Variants in MTCL1 observed in about 807,000 individuals in gnomAD.
The protein encoded by MTCL1 is microtubule crosslinking factor 1.
In MTCL1, 79 loss-of-function variants were observed where a neutral mutation model predicts 141.4. The observed-to-expected ratio is 0.56, with a 90% confidence interval of 0.47 to 0.67. The LOEUF is 0.67. Among genes scored for constraint, MTCL1 ranks in the 30% least tolerant of loss-of-function variants. The probability of loss-of-function intolerance (pLI) is 0.00; values close to 1 mark genes in which losing one functional copy is unlikely to be tolerated. For missense variants in MTCL1, 2,177 were observed against 2,113.9 expected (o/e 1.03, Z -0.59); for synonymous variants, 914 against 875.8 (o/e 1.04, Z -0.77).
At chr18:8,713,967 C>T (rs489570), upstream of MTCL1, among the ~76,000 whole-genome samples, 41,759 of 151,992 alleles carry the variant, frequency 0.27, 6,454 homozygotes, top group East Asian at 0.55. Context: ...GGAAGGGGCA[C>T]GGATATCTTT....
intron 4 of MTCL1, among the ~76,000 whole-genome samples, chr18:8,725,790 CTT>C (rs796484848): frequency 1.6e-5 from 1 of 61,070 alleles, no homozygotes; most frequent in African/African-American, 8.1e-5. Flanking sequence ...TTTTTTTTTT[CTT>C]TTTTTTTTTT....
At chr18:8,819,052 C>G (rs748502306) in exon 13 of MTCL1, 4 of 1,614,280 alleles carry the variant, frequency 2.5e-6, no homozygotes, top group Non-Finnish European at 3.4e-6. Context: ...ACCAGGGAAG[C>G]CTCCGCATGC....
chr18:8,831,865 G>T, exon 17 of MTCL1: 1 of 1,526,316 alleles, frequency 6.6e-7, no homozygotes, highest in South Asian at 1.2e-5. Context: ...CCATCACCAT[G>T]AACAAAACTC....
At chr18:8,750,319 TAC>T (rs1162603810) in intron 4 of MTCL1, among the ~76,000 whole-genome samples, 2 of 152,262 alleles carry the variant, frequency 1.3e-5, no homozygotes, top group African/African-American at 2.4e-5. Flanking sequence ...ATGCTGGGAT[TAC>T]AGACGTGAGT....
chr18:8,720,465 C>A, exon 4 of MTCL1: 1 of 1,613,942 alleles, frequency 6.2e-7, no homozygotes, highest in South Asian at 1.1e-5. Context: ...TCCAAACAGG[C>A]CCTCCAGAAT....
At chr18:8,741,883 G>A (rs540809665) in intron 4 of MTCL1, among the ~76,000 whole-genome samples, 2 of 152,350 alleles carry the variant, frequency 1.3e-5, no homozygotes, top group Non-Finnish European at 2.9e-5. Flanking sequence ...CCGCCGCAGG[G>A]TGGGCATCCT....
intron 4 of MTCL1, among the ~76,000 whole-genome samples, chr18:8,737,370 A>G (rs546203058): frequency 6.6e-6 from 1 of 152,328 alleles, no homozygotes; most frequent in East Asian, 1.9e-4. Context: ...TTAAGAAGCT[A>G]CCTGTGGTAA....
At chr18:8,726,626 T>C (rs944382722) in intron 4 of MTCL1, among the ~76,000 whole-genome samples, 1 of 151,890 alleles carries the variant, frequency 6.6e-6, no homozygotes, top group Non-Finnish European at 1.5e-5. Flanking sequence ...CCCACCTCCA[T>C]AGAACATCAC....
exon 3 of MTCL1, chr18:8,718,626 G>A (rs139379863): frequency 1.1e-4 from 178 of 1,613,018 alleles, no homozygotes; most frequent in Admixed American, 4.2e-4. Context: ...GAGCTTATTC[G>A]AAGCCTGGAG....
At chr18:8,732,499 C>T (rs2096255590) in intron 4 of MTCL1, among the ~76,000 whole-genome samples, 1 of 152,016 alleles carries the variant, frequency 6.6e-6, no homozygotes, top group Non-Finnish European at 1.5e-5. Flanking sequence ...TTCTCTACGG[C>T]CTGAGTGCTG....
Position 8,724,967 on chromosome 18 carries a change from C to CTT in MTCL1, c.357+4483_357+4484dup, listed in dbSNP as rs11336536. Reference sequence around the variant, plus strand: ...TGTACAAAACTCAAACAATTTTCATCTTTTTTTTTTTTTCTGATATATTTC... The same window carrying CTT: ...TGTACAAAACTCAAACAATTTTCATCTTTTTTTTTTTTTTTCTGATATATTTC... On this transcript the variant is annotated intron_variant, in intron 4 of 16. Coordinates refer to ENST00000359865, the Ensembl canonical transcript of MTCL1. Among the ~76,000 whole-genome samples, 5 of 145,984 alleles carry CTT rather than the reference C, an allele frequency of 3.4e-5. No homozygotes were observed. In the East Asian group the frequency reaches 6.0e-4, roughly 18 times the overall value.
At chr18:8,785,335 G>C (rs934169924) in intron 6 of MTCL1, among the ~76,000 whole-genome samples, 1 of 152,212 alleles carries the variant, frequency 6.6e-6, no homozygotes, top group South Asian at 2.1e-4. Flanking sequence ...AAGGCCCTAG[G>C]CAGCCCAGGC....
chr18:8,820,745 G>T (rs1230780496), intron 13 of MTCL1, among the ~76,000 whole-genome samples: 3 of 152,176 alleles, frequency 2.0e-5, no homozygotes, highest in Non-Finnish European at 2.9e-5. Flanking sequence ...CAGAGACAAG[G>T]GGCATGCTCA....
rs555161810 is a variant in MTCL1 at position 8,732,122 on chromosome 18, G to A, written c.357+11626G>A. On this transcript the variant is annotated intron_variant, in intron 4 of 16. Transcript: ENST00000359865. ...TTCTTTTAATCTTCATTTTTTTTGA[G>A]ACAGGGTCTCGCTCTGTTGCCCAGG... Among the ~76,000 whole-genome samples, 36 of 151,868 alleles carry A rather than the reference G, an allele frequency of 2.4e-4. 1 individual carries two copies. Among genetic ancestry groups the A allele is most frequent in the Admixed American group, 7.2e-4 (11 of 15,268 alleles).
rs75507113 is a variant in MTCL1 at position 8,828,160 on chromosome 18, G to C, written c.4723-748G>C. On this transcript the variant is annotated intron_variant, in intron 15 of 16. Transcript: ENST00000359865. The surrounding 1 kb of genome is among the most constrained non-coding windows in gnomAD (Gnocchi z 5.2). Reference sequence around the variant, plus strand: ...CTCCATGAATTATGCAGTAGTTCTCGGTATGCGTTCCCAAATCCCCAGGAC... The same window carrying C: ...CTCCATGAATTATGCAGTAGTTCTCCGTATGCGTTCCCAAATCCCCAGGAC... Among the ~76,000 whole-genome samples, 1 of 152,056 alleles carries C rather than the reference G, an allele frequency of 6.6e-6. No homozygotes were observed. Among genetic ancestry groups the C allele is most frequent in the South Asian group, 2.1e-4 (1 of 4,812 alleles).
intron 10 of MTCL1, among the ~76,000 whole-genome samples, chr18:8,800,188 G>A (rs2076068837): frequency 6.6e-6 from 1 of 152,228 alleles, no homozygotes. Context: ...ACTGGCATGA[G>A]TATTAGCCAG....
At chr18:8,785,747 T>TA (rs1329179333) in intron 6 of MTCL1, 189 bp from the exon 6 acceptor site, 1 of 675,412 alleles carries the variant, frequency 1.5e-6, no homozygotes, top group African/African-American at 1.8e-5. Context: ...TTCACTTTCT[T>TA]ACACCACTGT....
intron 4 of MTCL1, among the ~76,000 whole-genome samples, chr18:8,764,838 T>G (rs2096452117): frequency 1.3e-5 from 2 of 152,366 alleles, no homozygotes; most frequent in Admixed American, 6.5e-5. Context: ...AACTATACTT[T>G]GAATTTTCAA....
chr18:8,786,066 G>A, exon 7 of MTCL1: 1 of 1,587,496 alleles, frequency 6.3e-7, no homozygotes, highest in South Asian at 1.1e-5. Flanking sequence ...CACGGGCTGG[G>A]AGGCCAGACC....
Sources: allele counts gnomAD v4.1 joint callset (sites outside exome capture counted in the v4.1 genomes callset), GRCh38; gene constraint gnomAD v4.1.1; non-coding constraint Gnocchi (gnomAD v3.1); transcripts MANE v1.5; gene names NCBI Gene and HGNC (gene_info 2026-07-23, HGNC 2026-07-21).